Variants in NOS2 observed in about 807,000 individuals in gnomAD.
NOS2 encodes nitric oxide synthase 2, also known as nitric oxide synthase, inducible.
Under a neutral mutation model 136.0 loss-of-function variants are expected in NOS2, and 96 were observed. The ratio of observed to expected loss-of-function variants is 0.71; its 90% CI spans 0.60 to 0.84. The LOEUF (loss-of-function observed/expected upper bound fraction) is 0.84, where lower values mean the gene tolerates loss of function less well. Ranked by LOEUF, NOS2 falls within the 40% of genes least tolerant of loss-of-function variation. The pLI, the probability that NOS2 is intolerant of heterozygous loss-of-function variation, is 0.00. For missense variants in NOS2, 1,237 were observed against 1,496.9 expected (o/e 0.83, Z 2.87); for synonymous variants, 539 against 587.5 (o/e 0.92, Z 1.20).
rs764432472 is a variant in NOS2, at chr17:27,767,766, C to G, written c.2106G>C (p.Val702=). Reference sequence around the variant, plus strand: ...GCCTGTAGTGGTGCGGGTCCCAGGTCACATTGGAGGTGTAGAGCTTGGGGA... The same window carrying G: ...GCCTGTAGTGGTGCGGGTCCCAGGTGACATTGGAGGTGTAGAGCTTGGGGA... ...IQIPKLYTSN[V]TWDPHHYRLV... is the part of the protein sequence containing the mutation. Residue 702 remains valine (V), a synonymous_variant, in exon 18 of 27, where the codon GTG becomes GTC. Transcript: ENST00000313735. 2 of 1,613,276 alleles carry G rather than the reference C, an allele frequency of 1.2e-6. No homozygotes were observed. The highest frequency in any genetic ancestry group is 3.3e-5 in the Admixed American group (2 of 60,026).
chr17:27,760,672 C>T lies in NOS2; in HGVS notation c.2961G>A (p.Ala987=), dbSNP rs201753717. 21 of 1,552,598 alleles carry T rather than the reference C, an allele frequency of 1.4e-5. No homozygotes were observed. The highest frequency in any genetic ancestry group is 1.8e-4 in the Middle Eastern group (1 of 5,600). Residue 987 remains alanine, a synonymous_variant, in exon 24 of 27, where the codon GCG becomes GCA. Transcript: ENST00000313735. The part of the protein sequence containing the change: ...CILIGPGTGI[A]PFRSFWQQRL... ...GTTGCTGCCAGAAACTGCGGAAGGG[C>T]GCGATGCCTGTGCCAGGCCCGATGA...
At chr17:27,794,712 G>A (rs1032551062) in intron 2 of NOS2, among the ~76,000 whole-genome samples, 20 of 123,822 alleles carry the variant, frequency 1.6e-4, no homozygotes, top group African/African-American at 7.6e-4. Context: ...ACACACACAC[G>A]CGCACACACA....
Position 27,767,788 on chromosome 17 carries a change from G to C in NOS2, c.2084C>G (p.Pro695Arg), listed in dbSNP as rs767807366. 1 of 1,612,506 alleles carries C rather than the reference G, an allele frequency of 6.2e-7. No individual in the cohort carries two copies. Among genetic ancestry groups the C allele is most frequent in the Non-Finnish European group, 8.5e-7 (1 of 1,180,002 alleles). ...DVRGKQHIQI[P>R]KLYTSNVTWD... The stretch of plus-strand genomic sequence containing the variant: ...GGTCACATTGGAGGTGTAGAGCTTG[G>C]GGATCTGAATGTGCTGTTTGCCTCG... Residue 695 changes from proline to arginine, a missense_variant, in exon 18 of 27, where the codon CCC becomes CGC. Pro to Arg is a moderately radical substitution (Grantham distance 103). Around this residue, in one of 3 missense-constraint regions of NOS2, gnomAD observed 782 missense variants for 909.9 expected, o/e 0.86. Coordinates refer to ENST00000313735, the MANE Select transcript of NOS2 (RefSeq NM_000625.4).
intron 15 of NOS2, 112 bp from the exon 16 acceptor site, chr17:27,769,696 C>G: frequency 2.2e-6 from 2 of 927,478 alleles, no homozygotes; most frequent in Non-Finnish European, 3.5e-6. Flanking sequence ...CACAGCCCAC[C>G]ACGGAAGTTG....
rs1909362777 is a variant in NOS2 at position 27,796,585 on chromosome 17, G to T, written c.110+2115C>A. Among the ~76,000 whole-genome samples, 3 of 152,308 alleles carry T rather than the reference G, an allele frequency of 2.0e-5. 1 individual carries two copies. In the South Asian group the frequency reaches 6.2e-4, roughly 32 times the overall value. On this transcript the variant is annotated intron_variant, in intron 2 of 26. Coordinates refer to ENST00000313735, the MANE Select transcript of NOS2 (RefSeq NM_000625.4). Reference sequence around the variant, plus strand: ...TGAGGAAGGCTGGGATGGGCAGGTGGGATGGGCTCTCCATTTGGGTAGGGT... The same window carrying T: ...TGAGGAAGGCTGGGATGGGCAGGTGTGATGGGCTCTCCATTTGGGTAGGGT...
chr17:27,798,750 C>T lies in NOS2; in HGVS notation c.60G>A (p.Gly20=), dbSNP rs200311892. The part of the protein sequence containing the change: ...KTKFHQYAMN[G]EKDINNNVEK... ...CCACATTGTTGTTGATGTCTTTTTC[C>T]CCATTCATTGCATACTGGTGGAATT... Residue 20 remains glycine (G), a synonymous_variant, in exon 2 of 27, where the codon GGG becomes GGA. Transcript: ENST00000313735. 6.2e-6 allele frequency: 10 copies of T among 1,613,936 alleles called. No homozygotes were observed. Among genetic ancestry groups the T allele is most frequent in the Non-Finnish European group, 8.5e-6 (10 of 1,179,946 alleles).
At chr17:27,774,175 G>T in intron 12 of NOS2, 82 bp downstream of exon 12, 1 of 1,091,314 alleles carries the variant, frequency 9.2e-7, no homozygotes, top group Non-Finnish European at 1.2e-6. Context: ...CCCTACATGT[G>T]TAACAATGAG....
Position 27,760,070 on chromosome 17 carries a change from G to T in NOS2, c.3119C>A (p.Ala1040Glu). ...CAGGCGGGAATAGGCTGTGTGCACC[G>T]CATGCAGCACCCCCTTCTGGGCCAT... ...LEMAQKGVLHAVHTAYSRLPG... is the reference protein window; with the variant it reads ...LEMAQKGVLHEVHTAYSRLPG... The change falls in exon 25 of 27, where the codon GCG becomes GAG. Residue 1040 changes from alanine (A) to glutamate (E), a missense_variant. Ala to Glu is a moderately radical substitution (Grantham distance 107). Around this residue, in one of 3 missense-constraint regions of NOS2, gnomAD observed 782 missense variants for 909.9 expected, o/e 0.86. Coordinates refer to ENST00000313735, the MANE Select transcript of NOS2 (RefSeq NM_000625.4). 1 of 1,594,266 alleles carries T rather than the reference G, an allele frequency of 6.3e-7. No individual in the cohort carries two copies. Among genetic ancestry groups the T allele is most frequent in the Non-Finnish European group, 8.5e-7 (1 of 1,171,414 alleles).
At chr17:27,773,133 A>G in intron 13 of NOS2, 28 bp downstream of exon 13, 4 of 1,543,434 alleles carry the variant, frequency 2.6e-6, no homozygotes, top group Non-Finnish European at 3.6e-6. Context: ...TTCACACATC[A>G]CTACTAGCCA....
chr17:27,773,012 G>A (rs1908545420), intron 13 of NOS2, 149 bp downstream of exon 13: 1 of 739,132 alleles, frequency 1.4e-6, no homozygotes, highest in Non-Finnish European at 2.4e-6. Context: ...CCCAGCCTGG[G>A]TGACAGAGTA....
chr17:27,759,054 G>A lies in NOS2; in HGVS notation c.3181C>T (p.Arg1061Trp), dbSNP rs200470759. The A allele has an allele frequency of 2.7e-5, 43 of 1,602,314 alleles. No homozygotes were observed. Among genetic ancestry groups the A allele is most frequent in the Middle Eastern group, 3.5e-4 (2 of 5,634 alleles). The part of the protein sequence containing the change: ...KPKVYVQDIL[R>W]QQLASEVLRV... ...AGCACCTCGCTGGCCAGCTGCTGCCGCAGGATGTCCTGAACATAGACCTGA... is the reference window on the plus strand; with the variant it reads ...AGCACCTCGCTGGCCAGCTGCTGCCACAGGATGTCCTGAACATAGACCTGA... Residue 1061 changes from arginine to tryptophan, a missense_variant, in exon 26 of 27, where the codon CGG becomes TGG. Arg to Trp is a moderately radical substitution (Grantham distance 101). This residue lies in a region of NOS2 where 782 missense variants were observed against 909.9 expected (regional missense o/e 0.86). Coordinates refer to ENST00000313735, the MANE Select transcript of NOS2 (RefSeq NM_000625.4).
chr17:27,762,680 TG>T (rs1301202741), intron 22 of NOS2, 117 bp downstream of exon 22: 2 of 735,254 alleles, frequency 2.7e-6, no homozygotes, highest in Admixed American at 2.9e-5. Context: ...TTAACAACTC[TG>T]GGCTGTGGGT....
intron 2 of NOS2, chr17:27,793,907 G>A (rs1020196757): frequency 3.0e-5 from 11 of 365,122 alleles, no homozygotes; most frequent in Non-Finnish European, 5.4e-5. Flanking sequence ...CCCGCAGCCG[G>A]CGTCTGCCGC....
At chr17:27,766,084 T>A (rs1170374811) in intron 19 of NOS2, among the ~76,000 whole-genome samples, 2 of 152,224 alleles carry the variant, frequency 1.3e-5, no homozygotes, top group Non-Finnish European at 2.9e-5. Flanking sequence ...AGGCCAGTTT[T>A]CCTAATGCAT....
intron 17 of NOS2, 113 bp downstream of exon 17, chr17:27,768,864 C>G (rs753271354): frequency 1.6e-5 from 19 of 1,204,536 alleles, no homozygotes; most frequent in Non-Finnish European, 2.0e-5. Context: ...GGGACCACAT[C>G]TACAGGACCA....
intron 17 of NOS2, among the ~76,000 whole-genome samples, chr17:27,768,651 A>G (rs1403808741): frequency 1.3e-5 from 2 of 152,224 alleles, no homozygotes; most frequent in Non-Finnish European, 2.9e-5. Context: ...TATGGCTGTG[A>G]GACTGAAACA....
chr17:27,782,363 C>T (rs543747858), intron 6 of NOS2, among the ~76,000 whole-genome samples: 1 of 152,288 alleles, frequency 6.6e-6, no homozygotes, highest in African/African-American at 2.4e-5. Flanking sequence ...ACTCAGAAGA[C>T]CCCAGCAAAC....
chr17:27,776,387 T>G (rs1908658913), intron 11 of NOS2, among the ~76,000 whole-genome samples: 1 of 152,086 alleles, frequency 6.6e-6, no homozygotes, highest in African/African-American at 2.4e-5. Flanking sequence ...CAGTGGTAGC[T>G]ACAGGATGGG....
intron 4 of NOS2, 22 bp from the exon 5 acceptor site, chr17:27,787,848 G>GT (rs1184849079): frequency 1.3e-6 from 2 of 1,599,874 alleles, no homozygotes; most frequent in Non-Finnish European, 1.7e-6. Flanking sequence ...GAGGCAGGTG[G>GT]TGAGGGTGGG....
Sources: allele counts gnomAD v4.1 joint callset (sites outside exome capture counted in the v4.1 genomes callset), GRCh38; gene constraint gnomAD v4.1.1; regional missense constraint gnomAD v4.1.1; transcripts MANE v1.5; gene names NCBI Gene and HGNC (gene_info 2026-07-23, HGNC 2026-07-21).